KCTD20: variants seen among roughly 807,000 people sequenced by gnomAD.
KCTD20 encodes the protein BTB/POZ domain-containing protein KCTD20.
Under a neutral mutation model 39.6 loss-of-function variants are expected in KCTD20, and 30 were observed. The ratio of observed to expected loss-of-function variants is 0.76; its 90% CI spans 0.57 to 1.03. The LOEUF (loss-of-function observed/expected upper bound fraction) is 1.03. Ranked by LOEUF, KCTD20 falls within the 50% of genes least tolerant of loss-of-function variation. The pLI, the probability that KCTD20 is intolerant of heterozygous loss-of-function variation, is 0.00. For missense variants in KCTD20, 422 were observed against 522.0 expected, an observed-to-expected ratio of 0.81 and a Z score of 1.87; for synonymous variants, 162 against 180.6, an observed-to-expected ratio of 0.90 and a Z score of 0.83.
chr6:36,482,542 G>T lies in KCTD20; in HGVS notation c.856+783G>T, dbSNP rs142542490. On this transcript the variant is annotated intron_variant, in intron 6 of 7. Coordinates refer to ENST00000373731, the MANE Select transcript of KCTD20 (RefSeq NM_173562.5). ...CGCTCCAGCCCGGGCGACAGTGTGA[G>T]ACTCCATCTCAAAAAAACAAAAGAA... Among the ~76,000 whole-genome samples the T allele has an allele frequency of 6.5e-3, 990 of 152,248 alleles. 8 individuals are homozygous for T. Among genetic ancestry groups the T allele is most frequent in the African/African-American group, 0.021 (870 of 41,554 alleles).
Position 36,481,630 on chromosome 6 carries a change from A to G in KCTD20, c.727A>G (p.Ile243Val), listed in dbSNP as rs1224985664. The G allele has an allele frequency of 6.2e-7, 1 of 1,613,586 alleles. No individual in the cohort carries two copies. The highest frequency in any genetic ancestry group is 8.5e-7 in the Non-Finnish European group (1 of 1,179,550). Reference protein sequence around the residue: ...KQFDHYLEELILPIMVGCAKK... With the variant: ...KQFDHYLEELVLPIMVGCAKK... Reference sequence around the variant, plus strand: ...GTTTGATCACTACCTCGAAGAGCTCATCTTGCCCATCATGGTGGGCTGTGC... The same window carrying G: ...GTTTGATCACTACCTCGAAGAGCTCGTCTTGCCCATCATGGTGGGCTGTGC... Residue 243 changes from isoleucine to valine, a missense_variant, in exon 6 of 8, where the codon ATC becomes GTC. Physicochemically the swap from Ile to Val is conservative, Grantham distance 29. Transcript: ENST00000373731.
At chr6:36,485,407 T>C (rs1351782756) in intron 7 of KCTD20, among the ~76,000 whole-genome samples, 1 of 151,784 alleles carries the variant, frequency 6.6e-6, no homozygotes, top group African/African-American at 2.4e-5. Flanking sequence ...GCTCCCAACC[T>C]GTGGTCCCCA....
chr6:36,467,121 A>G (rs1461418004), intron 1 of KCTD20, among the ~76,000 whole-genome samples: 1 of 151,548 alleles, frequency 6.6e-6, no homozygotes, highest in Non-Finnish European at 1.5e-5. Flanking sequence ...CAGCCTGGCC[A>G]ACATGGTGAA....
chr6:36,449,579 G>T (rs1218720245), intron 1 of KCTD20, among the ~76,000 whole-genome samples: 1 of 152,178 alleles, frequency 6.6e-6, no homozygotes, highest in Non-Finnish European at 1.5e-5. Context: ...AGGCAGAAAA[G>T]TTCTCCAATT....
chr6:36,449,257 G>A (rs1775157846), intron 1 of KCTD20, among the ~76,000 whole-genome samples: 1 of 152,078 alleles, frequency 6.6e-6, no homozygotes, highest in South Asian at 2.1e-4. Context: ...ACAGAGCGCT[G>A]ATTGGTGCGT....
At chr6:36,481,809 C>T (rs1161688794) in intron 6 of KCTD20, 50 bp downstream of exon 6, 2 of 1,471,732 alleles carry the variant, frequency 1.4e-6, no homozygotes, top group African/African-American at 1.4e-5. Context: ...AACTTGCTAC[C>T]TGGAGTAGCA....
chr6:36,449,155 C>T (rs1263906988), intron 1 of KCTD20, among the ~76,000 whole-genome samples: 3 of 152,198 alleles, frequency 2.0e-5, no homozygotes, highest in Non-Finnish European at 4.4e-5. Flanking sequence ...AGGTGGCCAG[C>T]ATTTAGTCCC....
At chr6:36,476,984 G>A (rs1776082486) in intron 3 of KCTD20, among the ~76,000 whole-genome samples, 1 of 152,146 alleles carries the variant, frequency 6.6e-6, no homozygotes, top group Non-Finnish European at 1.5e-5. Flanking sequence ...TGTTTTCTGG[G>A]TAACAGATTC....
chr6:36,460,721 A>C (rs548412389), intron 1 of KCTD20, among the ~76,000 whole-genome samples: 1 of 152,178 alleles, frequency 6.6e-6, no homozygotes, highest in Non-Finnish European at 1.5e-5. Context: ...AGATGTGCCC[A>C]TTATCAGCAC....
At chr6:36,474,690 G>A (rs572268678) in intron 2 of KCTD20, 99 bp from the exon 3 acceptor site, 2 of 1,171,142 alleles carry the variant, frequency 1.7e-6, no homozygotes, top group East Asian at 2.6e-5. Flanking sequence ...AAATTTGGGG[G>A]TTTTTTGTTT....
intron 1 of KCTD20, among the ~76,000 whole-genome samples, chr6:36,449,886 C>T (rs111352602): frequency 0.052 from 7,877 of 152,210 alleles, 280 homozygotes; most frequent in South Asian, 0.077. Flanking sequence ...TGTTGGTGGC[C>T]GGGCGCGGTG....
intron 1 of KCTD20, among the ~76,000 whole-genome samples, chr6:36,450,201 A>C (rs1342273127): frequency 7.4e-6 from 1 of 135,562 alleles, no homozygotes; most frequent in Non-Finnish European, 1.5e-5. Flanking sequence ...GAAGTTATGT[A>C]TTGGGGCCGG....
chr6:36,453,913 C>T lies in KCTD20; in HGVS notation c.-47+10802C>T, dbSNP rs576071128. 5.9e-5 allele frequency among the ~76,000 whole-genome samples: 9 copies of T among 152,284 alleles called. No homozygotes were observed. In the South Asian group the frequency reaches 1.9e-3, roughly 32 times the overall value. Reference sequence around the variant, plus strand: ...TTCATTCAGTTCAAAATATTTTCTCCATTTCATTGTGTTCTGTTTTTGGTC... The same window carrying T: ...TTCATTCAGTTCAAAATATTTTCTCTATTTCATTGTGTTCTGTTTTTGGTC... On this transcript the variant is annotated intron_variant, in intron 1 of 7. Coordinates refer to ENST00000373731, the MANE Select transcript of KCTD20 (RefSeq NM_173562.5).
intron 1 of KCTD20, among the ~76,000 whole-genome samples, chr6:36,457,737 T>A (rs2127434831): frequency 6.6e-6 from 1 of 152,280 alleles, no homozygotes; most frequent in East Asian, 1.9e-4. Context: ...GAATTATAGA[T>A]TTAATATGCT....
intron 1 of KCTD20, among the ~76,000 whole-genome samples, chr6:36,458,224 T>A (rs116376120): frequency 0.051 from 7,780 of 152,046 alleles, 277 homozygotes; most frequent in South Asian, 0.12. Context: ...AGCTAATTTT[T>A]TTTTATTTTT....
chr6:36,463,103 C>T (rs575057990), intron 1 of KCTD20, among the ~76,000 whole-genome samples: 4 of 152,312 alleles, frequency 2.6e-5, no homozygotes, highest in African/African-American at 9.6e-5. Context: ...TTTTCCCACC[C>T]TTTTGCATTA....
Position 36,470,119 on chromosome 6 carries a change from G to A in KCTD20, c.22G>A (p.Asp8Asn). The A allele has an allele frequency of 6.2e-7, 1 of 1,613,760 alleles. No individual in the cohort carries two copies. Among genetic ancestry groups the A allele is most frequent in the Non-Finnish European group, 8.5e-7 (1 of 1,179,778 alleles). Residue 8 changes from aspartate (D) to asparagine (N), a missense_variant, in exon 2 of 8, where the codon GAC becomes AAC. By Grantham distance (23) the Asp-to-Asn change is conservative. Transcript: ENST00000373731. The stretch of plus-strand genomic sequence containing the variant: ...AAGGATGAATGTTCACCGTGGCAGT[G>A]ACAGTGACAGGTTATTGCGGCAGGA... The part of the protein sequence containing the change: MNVHRGS[D>N]SDRLLRQEAS...
intron 2 of KCTD20, among the ~76,000 whole-genome samples, chr6:36,471,047 A>G (rs1775895631): frequency 6.6e-6 from 1 of 151,492 alleles, no homozygotes; most frequent in Non-Finnish European, 1.5e-5. Context: ...GCTACTTGGG[A>G]GTATGAGGCA....
chr6:36,457,348 G>C (rs1471262521), intron 1 of KCTD20, among the ~76,000 whole-genome samples: 2 of 152,152 alleles, frequency 1.3e-5, no homozygotes, highest in Non-Finnish European at 2.9e-5. Flanking sequence ...AATTGGAATG[G>C]TTTCTTGTAA....
Sources: allele counts gnomAD v4.1 joint callset (sites outside exome capture counted in the v4.1 genomes callset), GRCh38; gene constraint gnomAD v4.1.1; transcripts MANE v1.5; gene names NCBI Gene and HGNC (gene_info 2026-07-23, HGNC 2026-07-21).